The following KLF16 variants were observed in gnomAD, a reference collection of about 807,000 sequenced individuals.
KLF16 encodes Krueppel-like factor 16.
Under a neutral mutation model 6.1 loss-of-function variants are expected in KLF16, and 6 were observed. The ratio of observed to expected loss-of-function variants is 0.98; its 90% CI spans 0.54 to 1.93. The LOEUF (loss-of-function observed/expected upper bound fraction) is 1.93. Ranked by LOEUF, KLF16 falls within the 30% of genes most tolerant of loss-of-function variation. The probability of loss-of-function intolerance (pLI) is 0.01; values close to 1 mark genes in which losing one functional copy is unlikely to be tolerated. For missense variants in KLF16, 355 were observed against 363.8 expected (o/e 0.98, Z 0.20); for synonymous variants, 211 against 176.5 (o/e 1.20, Z -1.55).
At chr19:1,854,811 T>G (rs762080439) in intron 1 of KLF16, 51 bp from the exon 2 acceptor site, 2 of 1,573,826 alleles carry the variant, frequency 1.3e-6, no homozygotes, top group African/African-American at 2.7e-5. Context: ...CGGGGGGAGA[T>G]GACAGACACG....
intron 1 of KLF16, among the ~76,000 whole-genome samples, chr19:1,862,370 G>T (rs917607013): frequency 6.6e-5 from 10 of 152,174 alleles, no homozygotes; most frequent in African/African-American, 1.2e-4. Flanking sequence ...GAACAAACAC[G>T]CCAGGGAAAT....
At position 1,862,805 on chromosome 19, in the gene KLF16, C is replaced by G. The variant is rs1312433651; in HGVS notation, c.457+236G>C. On this transcript the variant is annotated intron_variant, in intron 1 of 1. Coordinates refer to ENST00000250916, the MANE Select transcript of KLF16 (RefSeq NM_031918.4). ...TCCCGCCCGCAGACCTCGCTGGGCC[C>G]CCGGAGCCCCCGCCACTGCCGCCGG... The G allele has an allele frequency of 1.9e-4, 67 of 360,632 alleles. No homozygotes were observed. In the South Asian group the frequency reaches 2.3e-3, roughly 12 times the overall value. The allele number at this position is 360,632 out of a possible 1,614,324, so 22.3% of individuals were successfully genotyped here. A position where few individuals can be genotyped will look rare whatever the true frequency, so the allele number is the denominator to read the frequency against.
chr19:1,859,673 G>T (rs2012023574), intron 1 of KLF16, among the ~76,000 whole-genome samples: 1 of 152,064 alleles, frequency 6.6e-6, no homozygotes, highest in Non-Finnish European at 1.5e-5. Context: ...AGCGCTTTCC[G>T]TCATCACTAG....
chr19:1,860,499 CACG>C (rs1030782722), intron 1 of KLF16: 4 of 152,272 alleles, frequency 2.6e-5, no homozygotes. Context: ...GGGGCCAGGC[CACG>C]ACTGGTGTTC....
intron 1 of KLF16, among the ~76,000 whole-genome samples, chr19:1,855,728 T>C (rs943757296): frequency 6.6e-6 from 1 of 152,104 alleles, no homozygotes; most frequent in Non-Finnish European, 1.5e-5. Flanking sequence ...CCCCAGCAGA[T>C]AGGGGTCTCC....
upstream of KLF16, among the ~76,000 whole-genome samples, chr19:1,868,181 T>G (rs2012217598): frequency 7.2e-5 from 11 of 152,126 alleles, no homozygotes; most frequent in Admixed American, 7.2e-4. Flanking sequence ...AAATTCATCT[T>G]CTAAATAAAA....
chr19:1,871,096 G>T, the KLF16 span, among the ~76,000 whole-genome samples: 1 of 152,234 alleles, frequency 6.6e-6, no homozygotes, highest in Non-Finnish European at 1.5e-5. Context: ...CAGTATCAGC[G>T]GCGGGGTCAC....
chr19:1,868,472 T>TA (rs2012222919), upstream of KLF16, among the ~76,000 whole-genome samples: 1 of 43,368 alleles, frequency 2.3e-5, no homozygotes, highest in African/African-American at 4.8e-5. Flanking sequence ...TTTTTTTTTT[T>TA]TTTTTTTTTT....
chr19:1,854,581 G>A lies in KLF16; in HGVS notation c.637C>T (p.His213Tyr). 1 of 1,589,970 alleles carries A rather than the reference G, an allele frequency of 6.3e-7. No individual in the cohort carries two copies. Among genetic ancestry groups the A allele is most frequent in the Admixed American group, 1.7e-5 (1 of 58,754 alleles). ...CCAGGGCGCCGGAGCAGGTCCGGGT[G>A]GAAGCCGGGGTGGCGGCGGGCGTGC... ...AKHARRHPGF[H>Y]PDLLRRPGAR... The change falls in exon 2 of 2, where the codon CAC becomes TAC. Residue 213 changes from histidine to tyrosine, a missense_variant. Coordinates refer to ENST00000250916, the MANE Select transcript of KLF16 (RefSeq NM_031918.4).
At chr19:1,872,345 T>C in the KLF16 span, among the ~76,000 whole-genome samples, 2 of 152,236 alleles carry the variant, frequency 1.3e-5, no homozygotes, top group African/African-American at 4.8e-5. Context: ...TTGGTCAGGC[T>C]GGTCTCGACC....
chr19:1,870,783 G>T, the KLF16 span, among the ~76,000 whole-genome samples: 3 of 152,196 alleles, frequency 2.0e-5, no homozygotes, highest in Admixed American at 1.3e-4. Context: ...GTCACCTGAG[G>T]TCAGGAGTTT....
chr19:1,871,292 A>G, the KLF16 span, among the ~76,000 whole-genome samples: 4 of 152,196 alleles, frequency 2.6e-5, no homozygotes, highest in East Asian at 7.7e-4. Context: ...AACCTGTGGA[A>G]GCCACCTCCG....
intron 1 of KLF16, among the ~76,000 whole-genome samples, chr19:1,859,123 C>T (rs890532296): frequency 2.6e-5 from 4 of 152,024 alleles, no homozygotes; most frequent in Non-Finnish European, 5.9e-5. Context: ...CCGACCCTCC[C>T]CAGATAAGCT....
At chr19:1,864,607 C>T (rs2012154140), upstream of KLF16, among the ~76,000 whole-genome samples, 1 of 152,196 alleles carries the variant, frequency 6.6e-6, no homozygotes. Flanking sequence ...GGCGCCTGAG[C>T]GGGTCAGAGG....
Position 1,854,529 on chromosome 19 carries a change from G to A in KLF16, c.689C>T (p.Ser230Leu), listed in dbSNP as rs752822478. 1.4e-5 allele frequency: 21 copies of A among 1,523,698 alleles called. No homozygotes were observed. The highest frequency in any genetic ancestry group is 2.8e-5 in the African/African-American group (2 of 71,012). The allele number at this position is 1,523,698 out of a possible 1,614,324, so 94.4% of individuals were successfully genotyped here. Residue 230 changes from serine to leucine, a missense_variant, in exon 2 of 2, where the codon TCG becomes TTG. By Grantham distance (145) the Ser-to-Leu change is moderately radical (BLOSUM62 -2). Transcript: ENST00000250916. ...GCTCCCGGCCAGGCTGCAGGGCAGCGAGTCGCTGGGGGAGGTACTGCGGGC... is the reference window on the plus strand; with the variant it reads ...GCTCCCGGCCAGGCTGCAGGGCAGCAAGTCGCTGGGGGAGGTACTGCGGGC... ...PGARSTSPSDSLPCSLAGSPA... is the reference protein window; with the variant it reads ...PGARSTSPSDLLPCSLAGSPA...
rs2011875801 is a variant in KLF16, at chr19:1,853,384, A to C, written c.*1075T>G. The C allele has an allele frequency of 6.6e-6, 1 of 152,352 alleles. No individual in the cohort carries two copies. Among genetic ancestry groups the C allele is most frequent in the South Asian group, 2.1e-4 (1 of 4,834 alleles). 9.4% of individuals were successfully genotyped at this position (152,352 alleles called of 1,614,324 possible). A position where few individuals can be genotyped will look rare whatever the true frequency, so the allele number is the denominator to read the frequency against. ...AGACCTCAACCACGGGCCAGGACCC[A>C]CCTCTTCCAAGCACCCAGGAGAAGG... On this transcript the variant is annotated 3_prime_UTR_variant, in exon 2 of 2. Coordinates refer to ENST00000250916, the MANE Select transcript of KLF16 (RefSeq NM_031918.4).
At chr19:1,873,045 C>T in the KLF16 span, among the ~76,000 whole-genome samples, 4 of 152,166 alleles carry the variant, frequency 2.6e-5, no homozygotes, top group African/African-American at 7.2e-5. Flanking sequence ...AGAGGCCCCA[C>T]CTCAGGTCAC....
At chr19:1,858,586 G>A (rs1309769676) in intron 1 of KLF16, among the ~76,000 whole-genome samples, 1 of 152,174 alleles carries the variant, frequency 6.6e-6, no homozygotes, top group African/African-American at 2.4e-5. Flanking sequence ...AAAGGAGAAT[G>A]CAGGCCTAGG....
chr19:1,873,204 G>A, the KLF16 span, among the ~76,000 whole-genome samples: 1 of 152,228 alleles, frequency 6.6e-6, no homozygotes, highest in Non-Finnish European at 1.5e-5. Context: ...ACGGATGAAT[G>A]CAGCCACAGC....
Sources: allele counts gnomAD v4.1 joint callset (sites outside exome capture counted in the v4.1 genomes callset), GRCh38; gene constraint gnomAD v4.1.1; transcripts MANE v1.5; gene names NCBI Gene and HGNC (gene_info 2026-07-23, HGNC 2026-07-21).